TMEM123: variants seen among roughly 807,000 people sequenced by gnomAD.
TMEM123 encodes porimin.
Under a neutral mutation model 19.7 loss-of-function variants are expected in TMEM123, and 16 were observed. The observed-to-expected ratio is 0.81, with a 90% confidence interval of 0.55 to 1.23. The LOEUF (loss-of-function observed/expected upper bound fraction) is 1.23. Among genes scored for constraint, TMEM123 ranks in the 50% most tolerant of loss-of-function variants. TMEM123 has a pLI of 0.00. For missense variants in TMEM123, 313 were observed against 257.8 expected (o/e 1.21, Z -1.47); for synonymous variants, 118 against 99.4 (o/e 1.19, Z -1.12).
chr11:102,450,002 C>T (rs1384571449), intron 1 of TMEM123, among the ~76,000 whole-genome samples: 1 of 152,144 alleles, frequency 6.6e-6, no homozygotes, highest in Non-Finnish European at 1.5e-5. Flanking sequence ...CCAACCTTCC[C>T]AATTGTTGCA....
At position 102,401,597 on chromosome 11, in the gene TMEM123, TAGATA is replaced by T; in HGVS notation, c.539_543del (p.Leu180TyrfsTer22). 2 of 1,604,070 alleles carry T rather than the reference TAGATA, an allele frequency of 1.2e-6. No homozygotes were observed. Among genetic ancestry groups the T allele is most frequent in the South Asian group, 1.1e-5 (1 of 88,226 alleles). ...TACATTTTGCATCCAATGTAAAGAATAGATAAAACTCCCAGCGTTAATACAATACC... is the reference window on the plus strand; with the variant it reads ...TACATTTTGCATCCAATGTAAAGAATAAACTCCCAGCGTTAATACAATACC... On this transcript the variant is annotated frameshift_variant, in exon 4 of 5. Transcript: ENST00000398136. LOFTEE classifies it high-confidence loss of function.
chr11:102,411,886 G>A (rs1479734758), intron 2 of TMEM123, among the ~76,000 whole-genome samples: 1 of 152,118 alleles, frequency 6.6e-6, no homozygotes, highest in Non-Finnish European at 1.5e-5. Flanking sequence ...ATATACAGTT[G>A]GGGGGCACCC....
chr11:102,424,718 G>A (rs79202552), intron 2 of TMEM123, among the ~76,000 whole-genome samples: 2,189 of 152,126 alleles, frequency 0.014, 20 homozygotes, highest in Non-Finnish European at 0.024. Context: ...GTAAGCGAGG[G>A]GAGTCAGGGC....
At chr11:102,428,195 G>A (rs565777771) in intron 2 of TMEM123, among the ~76,000 whole-genome samples, 2 of 152,146 alleles carry the variant, frequency 1.3e-5, no homozygotes, top group East Asian at 3.9e-4. Context: ...TCTTAGTTTA[G>A]GATGTTGATA....
intron 2 of TMEM123, among the ~76,000 whole-genome samples, chr11:102,428,758 TTTAAGTGGTACATTTTTGCTGCAGCTCA>T (rs1433277433): frequency 3.3e-5 from 5 of 152,162 alleles, no homozygotes; most frequent in African/African-American, 1.2e-4. Context: ...CCATCTCCAA[TTTAAGTGGTACATTTTTGCTGCAGCTCA>T]TCAAGAATAG....
chr11:102,450,205 C>A (rs1857924293), intron 1 of TMEM123, among the ~76,000 whole-genome samples: 1 of 152,202 alleles, frequency 6.6e-6, no homozygotes, highest in East Asian at 1.9e-4. Context: ...TGTTTCCCTG[C>A]TATTGTCGCT....
chr11:102,434,102 A>G (rs1857738850), intron 2 of TMEM123, among the ~76,000 whole-genome samples: 1 of 151,954 alleles, frequency 6.6e-6, no homozygotes, highest in Non-Finnish European at 1.5e-5. Flanking sequence ...TTTTGTATAA[A>G]TACCCAGAAG....
chr11:102,406,805 A>G (rs1308660626), intron 2 of TMEM123, among the ~76,000 whole-genome samples: 2 of 150,932 alleles, frequency 1.3e-5, no homozygotes, highest in Non-Finnish European at 2.9e-5. Context: ...TGGGAGGCAG[A>G]GCTTGCAGTG....
At chr11:102,449,093 C>G in intron 1 of TMEM123, 1 of 466,252 alleles carries the variant, frequency 2.1e-6, no homozygotes, top group East Asian at 4.1e-5. Flanking sequence ...GCTTACATAA[C>G]AAACACTTAC....
intron 2 of TMEM123, among the ~76,000 whole-genome samples, chr11:102,409,637 CG>C (rs997935774): frequency 2.6e-5 from 4 of 151,934 alleles, no homozygotes; most frequent in African/African-American, 7.3e-5. Flanking sequence ...GAGGCCCAGG[CG>C]GGCAGGCGGG....
intron 2 of TMEM123, among the ~76,000 whole-genome samples, chr11:102,432,847 A>G (rs1354183618): frequency 6.6e-6 from 1 of 152,144 alleles, no homozygotes; most frequent in Non-Finnish European, 1.5e-5. Context: ...AGCCATGGCT[A>G]AAAGGGGTCA....
intron 2 of TMEM123, among the ~76,000 whole-genome samples, chr11:102,447,438 C>T (rs140161615): frequency 1.1e-4 from 16 of 152,242 alleles, no homozygotes; most frequent in African/African-American, 3.9e-4. Flanking sequence ...ATGTGTAAAC[C>T]AGAAATGACA....
At chr11:102,444,064 T>C (rs1857856272) in intron 2 of TMEM123, among the ~76,000 whole-genome samples, 1 of 152,304 alleles carries the variant, frequency 6.6e-6, no homozygotes, top group South Asian at 2.1e-4. Flanking sequence ...CTGGAGAGGA[T>C]GTGGAGACAT....
chr11:102,446,940 T>C (rs917390855), intron 2 of TMEM123, among the ~76,000 whole-genome samples: 1 of 152,192 alleles, frequency 6.6e-6, no homozygotes, highest in South Asian at 2.1e-4. Context: ...GTAAACAGTA[T>C]GTTCAAAGAA....
At position 102,432,623 on chromosome 11, in the gene TMEM123, G is replaced by A. The variant is rs190357940; in HGVS notation, c.157+16189C>T. Among the ~76,000 whole-genome samples the A allele has an allele frequency of 2.3e-4, 35 of 152,364 alleles. No homozygotes were observed. The East Asian group carries it at 4.2e-3, about 18-fold the overall frequency. ...TGAGGAGAAATTCAAGCCGGCTGCAGGAATTTGCATAAGTAACAAGGAGCC... is the reference window on the plus strand; with the variant it reads ...TGAGGAGAAATTCAAGCCGGCTGCAAGAATTTGCATAAGTAACAAGGAGCC... On this transcript the variant is annotated intron_variant, in intron 2 of 4. Coordinates refer to ENST00000398136, the MANE Select transcript of TMEM123 (RefSeq NM_052932.3).
At chr11:102,416,621 G>T (rs940011430) in intron 2 of TMEM123, among the ~76,000 whole-genome samples, 1 of 151,922 alleles carries the variant, frequency 6.6e-6, no homozygotes, top group Admixed American at 6.6e-5. Context: ...AAAAAATTAA[G>T]AAGAGATTCT....
intron 2 of TMEM123, among the ~76,000 whole-genome samples, chr11:102,431,026 T>C (rs1444083838): frequency 6.6e-6 from 1 of 152,204 alleles, no homozygotes; most frequent in African/African-American, 2.4e-5. Context: ...AAAAAAGTCA[T>C]CACTTTTCAA....
intron 2 of TMEM123, among the ~76,000 whole-genome samples, chr11:102,404,583 C>T (rs112118994): frequency 3.3e-5 from 5 of 151,774 alleles, no homozygotes; most frequent in Non-Finnish European, 7.4e-5. Context: ...TGCACCTGGC[C>T]CCTATATGTA....
At chr11:102,446,385 A>T (rs1175184620) in intron 2 of TMEM123, among the ~76,000 whole-genome samples, 3 of 152,258 alleles carry the variant, frequency 2.0e-5, no homozygotes, top group Non-Finnish European at 4.4e-5. Context: ...ATAAAAAAAT[A>T]GAACTGTTAC....
Sources: allele counts gnomAD v4.1 joint callset (sites outside exome capture counted in the v4.1 genomes callset), GRCh38; gene constraint gnomAD v4.1.1; transcripts MANE v1.5; gene names NCBI Gene and HGNC (gene_info 2026-07-23, HGNC 2026-07-21).